The following WWOX variants were observed in gnomAD, a reference collection of about 807,000 sequenced individuals.
WWOX encodes WW domain containing oxidoreductase.
A neutral mutation model predicts 46.2 loss-of-function variants in WWOX; 69 were observed. The observed-to-expected ratio is 1.49, with a 90% CI of 1.23 to 1.82. The LOEUF is 1.82. Ranked by LOEUF, WWOX falls within the 40% of genes most tolerant of loss-of-function variation. The pLI, the probability that WWOX is intolerant of heterozygous loss-of-function variation, is 0.00. For synonymous variants in WWOX, 359 were observed against 202.6 expected (o/e 1.77, Z -6.56); for missense variants, 919 against 542.6 (o/e 1.69, Z -6.89).
intron 8 of WWOX, among the ~76,000 whole-genome samples, chr16:79,096,109 C>G (rs1208923438): frequency 6.8e-6 from 1 of 147,140 alleles, no homozygotes; most frequent in Non-Finnish European, 1.5e-5. Context: ...CTCAACTGAT[C>G]CGCCTGCCTC....
At chr16:78,775,741 C>T (rs933248451) in intron 8 of WWOX, among the ~76,000 whole-genome samples, 5 of 152,218 alleles carry the variant, frequency 3.3e-5, no homozygotes, top group African/African-American at 9.6e-5. Flanking sequence ...TTATAATAAT[C>T]ATTAGCATCA....
rs536489377 is a variant in WWOX at position 78,961,904 on chromosome 16, A to G, written c.1057-249704A>G. On this transcript the variant is annotated intron_variant, in intron 8 of 8. Coordinates refer to ENST00000566780, the MANE Select transcript of WWOX (RefSeq NM_016373.4). Reference sequence around the variant, plus strand: ...TCCACATTGACTGCATCCAAGACCTATTGCCTTCAGATTTACATCAAGCAC... The same window carrying G: ...TCCACATTGACTGCATCCAAGACCTGTTGCCTTCAGATTTACATCAAGCAC... Among the ~76,000 whole-genome samples the G allele has an allele frequency of 9.9e-5, 15 of 152,270 alleles. No individual in the cohort carries two copies. The South Asian group carries it at 1.7e-3, about 17-fold the overall frequency.
At chr16:79,006,256 G>A (rs892233700) in intron 8 of WWOX, among the ~76,000 whole-genome samples, 2 of 152,164 alleles carry the variant, frequency 1.3e-5, no homozygotes, top group African/African-American at 4.8e-5. Flanking sequence ...TGCACAAAGA[G>A]GAGACCTGTC....
intron 8 of WWOX, among the ~76,000 whole-genome samples, chr16:79,120,438 C>T (rs530617065): frequency 3.3e-5 from 5 of 152,152 alleles, no homozygotes; most frequent in Non-Finnish European, 7.3e-5. Flanking sequence ...GTTTAGGCGC[C>T]CCTCCTGCCA....
At chr16:79,187,462 G>C (rs1022065837) in intron 8 of WWOX, among the ~76,000 whole-genome samples, 1 of 152,208 alleles carries the variant, frequency 6.6e-6, no homozygotes, top group South Asian at 2.1e-4. Context: ...GTGCAGCGGC[G>C]TGATCTCTGC....
At chr16:78,543,422 A>G (rs1201616946) in intron 8 of WWOX, among the ~76,000 whole-genome samples, 2 of 152,216 alleles carry the variant, frequency 1.3e-5, no homozygotes, top group Non-Finnish European at 2.9e-5. Context: ...AGAAGGATTA[A>G]GAGGTACTGT....
At chr16:78,414,792 T>C (rs1178500311) in intron 6 of WWOX, among the ~76,000 whole-genome samples, 4 of 152,168 alleles carry the variant, frequency 2.6e-5, no homozygotes. Context: ...AAAGCTGTTA[T>C]TTAAACTATA....
At chr16:78,116,366 C>A (rs796728677) in intron 4 of WWOX, among the ~76,000 whole-genome samples, 12 of 152,278 alleles carry the variant, frequency 7.9e-5, no homozygotes, top group African/African-American at 2.6e-4. Context: ...GGTAAAAATA[C>A]ATTGTTCAAG....
chr16:78,878,873 T>G (rs1003464108), intron 8 of WWOX, among the ~76,000 whole-genome samples: 1 of 112,290 alleles, frequency 8.9e-6, no homozygotes, highest in African/African-American at 3.7e-5. Flanking sequence ...CTGGGCAAGA[T>G]AGCAAAATAC....
intron 8 of WWOX, among the ~76,000 whole-genome samples, chr16:78,886,616 A>G (rs1324780303): frequency 6.9e-6 from 1 of 144,310 alleles, no homozygotes; most frequent in East Asian, 2.0e-4. Context: ...TCCAGAAACT[A>G]TATAAAATAT....
chr16:79,099,560 T>C (rs2049148226), intron 8 of WWOX, among the ~76,000 whole-genome samples: 1 of 150,236 alleles, frequency 6.7e-6, no homozygotes, highest in Non-Finnish European at 1.5e-5. Flanking sequence ...TCTAGAAATG[T>C]AGATTGTGTG....
At chr16:78,159,225 C>A (rs1314604555) in intron 4 of WWOX, among the ~76,000 whole-genome samples, 1 of 152,022 alleles carries the variant, frequency 6.6e-6, no homozygotes, top group East Asian at 1.9e-4. Flanking sequence ...ATTTAGGCTG[C>A]TTCCATGTCT....
chr16:79,109,386 G>A (rs763275282), intron 8 of WWOX, among the ~76,000 whole-genome samples: 1 of 152,070 alleles, frequency 6.6e-6, no homozygotes, highest in Non-Finnish European at 1.5e-5. Context: ...GAATGTCTCC[G>A]GAGTTTAATG....
chr16:78,715,845 C>G lies in WWOX; in HGVS notation c.1056+283093C>G, dbSNP rs192653563. On this transcript the variant is annotated intron_variant, in intron 8 of 8. Transcript: ENST00000566780. ...TCTATCAACTCCCTTCTGCATGTGT[C>G]TATTTGGCATGGGCTGTGTCACATG... Among the ~76,000 whole-genome samples the G allele has an allele frequency of 3.6e-3, 547 of 152,232 alleles. 3 individuals are homozygous for G. The highest frequency in any genetic ancestry group is 6.5e-3 in the Admixed American group (99 of 15,280).
chr16:78,230,437 G>T (rs1207128365), intron 5 of WWOX, among the ~76,000 whole-genome samples: 2 of 152,182 alleles, frequency 1.3e-5, no homozygotes, highest in East Asian at 3.9e-4. Context: ...CATGCAGCCA[G>T]CCTGGGAAAG....
At chr16:78,351,397 A>G (rs528954770) in intron 5 of WWOX, among the ~76,000 whole-genome samples, 17 of 152,302 alleles carry the variant, frequency 1.1e-4, no homozygotes, top group Non-Finnish European at 1.2e-4. Context: ...GCCCGACTGC[A>G]TTGGTTTAGC....
At chr16:78,930,622 C>G (rs2045603820) in intron 8 of WWOX, among the ~76,000 whole-genome samples, 1 of 148,742 alleles carries the variant, frequency 6.7e-6, no homozygotes, top group Non-Finnish European at 1.5e-5. Context: ...AAACAAACTT[C>G]ACTCAGTTTG....
intron 8 of WWOX, chr16:78,892,137 A>C (rs938281394): frequency 6.6e-6 from 1 of 152,134 alleles, no homozygotes; most frequent in Non-Finnish European, 1.5e-5. Context: ...TTTCTGTTTC[A>C]TACTAATTTT....
chr16:78,256,429 T>C (rs531295566), intron 5 of WWOX, among the ~76,000 whole-genome samples: 3 of 152,074 alleles, frequency 2.0e-5, no homozygotes, highest in Admixed American at 2.0e-4. Context: ...CTTAAATTCA[T>C]TGGTGAGAAA....
Sources: allele counts gnomAD v4.1 joint callset (sites outside exome capture counted in the v4.1 genomes callset), GRCh38; gene constraint gnomAD v4.1.1; transcripts MANE v1.5; gene names NCBI Gene and HGNC (gene_info 2026-07-23, HGNC 2026-07-21).